The following TNKS variants were observed in gnomAD, a reference collection of about 807,000 sequenced individuals.
The protein encoded by TNKS is poly [ADP-ribose] polymerase tankyrase-1.
TNKS carries 72 observed loss-of-function variants against 135.8 expected under a neutral mutation model. The observed-to-expected ratio is 0.53, with a 90% CI of 0.44 to 0.64. TNKS has a LOEUF of 0.64. TNKS is among the 30% of genes least tolerant of loss of function. TNKS has a pLI of 0.00. For missense variants in TNKS, 1,769 were observed against 1,674.0 expected, an observed-to-expected ratio of 1.06 and a Z score of -0.99; for synonymous variants, 849 against 649.3, an observed-to-expected ratio of 1.31 and a Z score of -4.68.
At chr8:9,687,858 T>C (rs7003791) in intron 5 of TNKS, among the ~76,000 whole-genome samples, 94,595 of 152,118 alleles carry the variant, frequency 0.62, 29,829 homozygotes, top group Middle Eastern at 0.72. Flanking sequence ...ACAAATATGA[T>C]ACTTCAGCAT....
chr8:9,712,375 G>A (rs117233260), intron 11 of TNKS, among the ~76,000 whole-genome samples: 4,920 of 152,012 alleles, frequency 0.032, 118 homozygotes, highest in Middle Eastern at 0.055. Flanking sequence ...AGCGACTCGG[G>A]AGGCTGAGGC....
At chr8:9,733,549 G>GT in intron 15 of TNKS, 105 bp downstream of exon 15, 1 of 884,176 alleles carries the variant, frequency 1.1e-6, no homozygotes, top group Non-Finnish European at 1.7e-6. Flanking sequence ...CAATACTGCT[G>GT]TAGAGACTGC....
At chr8:9,679,516 C>G (rs1585318804) in intron 3 of TNKS, among the ~76,000 whole-genome samples, 2 of 151,928 alleles carry the variant, frequency 1.3e-5, no homozygotes, top group South Asian at 4.1e-4. Flanking sequence ...AATAAAACTT[C>G]AGTTTTTAGA....
intron 8 of TNKS, among the ~76,000 whole-genome samples, chr8:9,707,310 A>T (rs1271061738): frequency 2.0e-5 from 3 of 152,192 alleles, no homozygotes; most frequent in Non-Finnish European, 4.4e-5. Flanking sequence ...AGGCACTAGA[A>T]ATATAGCAGT....
intron 3 of TNKS, chr8:9,679,655 C>G: frequency 3.1e-6 from 1 of 318,580 alleles, no homozygotes; most frequent in Non-Finnish European, 5.9e-6. Flanking sequence ...CTTCAGCTGG[C>G]ATGCTGTTAT....
chr8:9,562,437 A>G (rs780936298), intron 1 of TNKS, among the ~76,000 whole-genome samples: 28 of 152,192 alleles, frequency 1.8e-4, no homozygotes, highest in Admixed American at 9.8e-4. Context: ...TACATATCCT[A>G]TGAAAATCTT....
chr8:9,777,282 TAGC>T lies in TNKS; in HGVS notation c.*549_*551del, dbSNP rs1332211297. On this transcript the variant is annotated 3_prime_UTR_variant, in exon 27 of 27. Transcript: ENST00000310430. ...CACAAAGTCACGCTGACAAAATCAT[TAGC>T]AGTGCAACCCAAGCTTCTGGCTGAG... 3 of 154,248 alleles carry T rather than the reference TAGC, an allele frequency of 1.9e-5. No individual in the cohort carries two copies. The highest frequency in any genetic ancestry group is 6.4e-5 in the Admixed American group (1 of 15,690). 9.6% of individuals were successfully genotyped at this position (154,248 alleles called of 1,614,324 possible).
Position 9,778,600 on chromosome 8 carries a change from G to A in TNKS, c.*1864G>A, listed in dbSNP as rs1206784354. ...GAAGTTTCAGTGACCCAAGCTGGGT[G>A]TTTGTGTCTTGGCTACTTGTTTAAT... On this transcript the variant is annotated 3_prime_UTR_variant, in exon 27 of 27. Transcript: ENST00000310430. 6.6e-6 allele frequency: 1 copy of A among 152,606 alleles called. No individual in the cohort carries two copies. Among genetic ancestry groups the A allele is most frequent in the Admixed American group, 6.5e-5 (1 of 15,274 alleles). 9.5% of individuals were successfully genotyped at this position (152,606 alleles called of 1,614,324 possible).
chr8:9,612,170 C>T (rs1278172941), intron 2 of TNKS, among the ~76,000 whole-genome samples: 2 of 152,118 alleles, frequency 1.3e-5, no homozygotes, highest in Non-Finnish European at 2.9e-5. Context: ...TGGCTCAGTG[C>T]TTCTCAAATT....
chr8:9,574,137 G>C (rs1163478159), intron 1 of TNKS, among the ~76,000 whole-genome samples: 1 of 152,204 alleles, frequency 6.6e-6, no homozygotes, highest in Non-Finnish European at 1.5e-5. Flanking sequence ...ACACCACATA[G>C]TATATTTTTA....
At chr8:9,649,624 C>T (rs1043994511) in intron 3 of TNKS, among the ~76,000 whole-genome samples, 4 of 151,480 alleles carry the variant, frequency 2.6e-5, no homozygotes, top group African/African-American at 9.7e-5. Flanking sequence ...CCTCATCCCC[C>T]TCTCACCCTT....
At chr8:9,621,385 A>C (rs1585241144) in intron 3 of TNKS, among the ~76,000 whole-genome samples, 3 of 151,026 alleles carry the variant, frequency 2.0e-5, no homozygotes, top group Non-Finnish European at 4.4e-5. Context: ...GCTCACTGCA[A>C]CCTCCACCTC....
At chr8:9,742,198 CAAA>C (rs1200086393) in intron 17 of TNKS, among the ~76,000 whole-genome samples, 1 of 151,952 alleles carries the variant, frequency 6.6e-6, no homozygotes, top group African/African-American at 2.4e-5. Context: ...TTGAGTCACT[CAAA>C]AATTTTTTTC....
In TNKS at chr8:9,726,655, C is replaced by T. The variant is rs144610024; in HGVS notation, c.1936C>T (p.Arg646Cys). 2.0e-4 allele frequency: 316 copies of T among 1,612,548 alleles called. No individual in the cohort carries two copies. Among genetic ancestry groups the T allele is most frequent in the Middle Eastern group, 4.9e-4 (3 of 6,078 alleles). ...CTTTTATGCAGAGAGTACACCTATA[C>T]GTACTTCTGATGTTGATTATCGACT... ...QQILSESTPIRTSDVDYRLLE... is the reference protein window; with the variant it reads ...QQILSESTPICTSDVDYRLLE... The change falls in exon 13 of 27, where the codon CGT becomes TGT. Residue 646 changes from arginine (R) to cysteine (C), a missense_variant. Physicochemically the swap from Arg to Cys is radical, Grantham distance 180. Around this residue, in one of 5 missense-constraint regions of TNKS, gnomAD observed 523 missense variants for 541.0 expected, o/e 0.97. Transcript: ENST00000310430.
Position 9,697,877 on chromosome 8 carries a change from AG to A in TNKS, c.1108-6784del, listed in dbSNP as rs751135815. ...CTCAACTTAAAACAGAGCTACCATT[AG>A]GCCCAGCAATCCCATTACTAGATCT... On this transcript the variant is annotated intron_variant, in intron 5 of 26. Transcript: ENST00000310430. Among the ~76,000 whole-genome samples the A allele has an allele frequency of 3.3e-5, 5 of 152,308 alleles. No homozygotes were observed. The East Asian group carries it at 9.6e-4, about 29-fold the overall frequency.
At chr8:9,635,124 C>T (rs925953064) in intron 3 of TNKS, among the ~76,000 whole-genome samples, 1 of 151,756 alleles carries the variant, frequency 6.6e-6, no homozygotes, top group East Asian at 1.9e-4. Context: ...GAGCCGAGAC[C>T]GCGCCACTGC....
intron 1 of TNKS, chr8:9,556,983 G>C: frequency 2.4e-6 from 1 of 413,114 alleles, no homozygotes; most frequent in Non-Finnish European, 4.3e-6. Context: ...GTTTTTACAA[G>C]GGTATGTCCT....
At chr8:9,582,460 G>C (rs1484843367) in intron 2 of TNKS, among the ~76,000 whole-genome samples, 4 of 152,152 alleles carry the variant, frequency 2.6e-5, no homozygotes, top group Non-Finnish European at 4.4e-5. Flanking sequence ...TCTATATGTG[G>C]GGTAGAATAG....
intron 1 of TNKS, among the ~76,000 whole-genome samples, chr8:9,568,384 C>G (rs1797630949): frequency 1.3e-5 from 2 of 152,092 alleles, no homozygotes; most frequent in African/African-American, 2.4e-5. Context: ...CAGTGTTTCT[C>G]AAACTTTTTG....
Sources: gnomAD v4.1 joint callset for allele counts (sites outside exome capture counted in the v4.1 genomes callset) on GRCh38, gnomAD v4.1.1 for gene constraint, gnomAD v4.1.1 regional missense constraint, MANE v1.5 for transcripts, NCBI Gene and HGNC (gene_info 2026-07-23, HGNC 2026-07-21) for gene names.